DHRSX: variants seen among roughly 807,000 people sequenced by gnomAD.
The protein encoded by DHRSX is polyprenol dehydrogenase.
Under a neutral mutation model 34.0 loss-of-function variants are expected in DHRSX, and 31 were observed. That is an observed-to-expected ratio of 0.91 (90% CI 0.69 to 1.23). The LOEUF is 1.23. Among genes scored for constraint, DHRSX ranks in the 50% most tolerant of loss-of-function variants. The pLI, the probability that DHRSX is intolerant of heterozygous loss-of-function variation, is 0.00. For missense variants in DHRSX, 414 were observed against 428.1 expected (o/e 0.97, Z 0.29); for synonymous variants, 201 against 183.8 (o/e 1.09, Z -0.76).
intron 3 of DHRSX, among the ~76,000 whole-genome samples, chrX:2,294,928 G>A (rs1401874108): frequency 6.6e-6 from 1 of 152,174 alleles, no homozygotes; most frequent in African/African-American, 2.4e-5. Flanking sequence ...GAGAAGAAAA[G>A]GAAATGGAGA....
At chrX:2,296,359 G>A (rs956918497) in intron 3 of DHRSX, among the ~76,000 whole-genome samples, 2 of 151,934 alleles carry the variant, frequency 1.3e-5, no homozygotes, top group Admixed American at 6.6e-5. Context: ...GGGAAGGAGA[G>A]GGAAAAAGAG....
At chrX:2,451,803 G>A (rs2044222067) in intron 1 of DHRSX, among the ~76,000 whole-genome samples, 1 of 152,212 alleles carries the variant, frequency 6.6e-6, no homozygotes, top group Non-Finnish European at 1.5e-5. Context: ...CCGCCACTGT[G>A]TATGAACTGA....
chrX:2,319,254 C>A, intron 3 of DHRSX, among the ~76,000 whole-genome samples: 1 of 142,280 alleles, frequency 7.0e-6, no homozygotes, highest in East Asian at 2.3e-4. Flanking sequence ...CCCCTCCTCT[C>A]CCTACTCCTG....
intron 1 of DHRSX, among the ~76,000 whole-genome samples, chrX:2,473,699 C>T (rs113599886): frequency 8.1e-6 from 1 of 124,118 alleles, no homozygotes; most frequent in Non-Finnish European, 1.7e-5. Context: ...CCCCGGGCCC[C>T]GGAAATGCAC....
chrX:2,359,842 C>G lies in DHRSX; in HGVS notation c.286+48903G>C, dbSNP rs182010379. The stretch of plus-strand genomic sequence containing the variant: ...TAGGAACAGCAAAACCAAATTACTA[C>G]ATGTTCTCACTTATAAGTGAGAGCT... On this transcript the variant is annotated intron_variant, in intron 3 of 6. Transcript: ENST00000334651. Among the ~76,000 whole-genome samples, 35 of 152,194 alleles carry G rather than the reference C, an allele frequency of 2.3e-4. No homozygotes were observed. The East Asian group carries it at 5.6e-3, about 24-fold the overall frequency.
chrX:2,356,957 A>G (rs2042861331), intron 3 of DHRSX, among the ~76,000 whole-genome samples: 1 of 152,148 alleles, frequency 6.6e-6, no homozygotes, highest in African/African-American at 2.4e-5. Flanking sequence ...CAAAAGGTGC[A>G]CATGGGCCAG....
chrX:2,459,558 A>G (rs899214819), intron 1 of DHRSX, among the ~76,000 whole-genome samples: 45 of 78,732 alleles, frequency 5.7e-4, no homozygotes, highest in African/African-American at 1.3e-3. Flanking sequence ...GTGTATATAT[A>G]TATATATATA....
chrX:2,312,525 G>A (rs2042175861), intron 3 of DHRSX, among the ~76,000 whole-genome samples: 2 of 151,904 alleles, frequency 1.3e-5, no homozygotes, highest in African/African-American at 4.8e-5. Flanking sequence ...GTTGAACAAT[G>A]AGAACACATG....
intron 3 of DHRSX, among the ~76,000 whole-genome samples, chrX:2,337,032 C>T (rs1293146964): frequency 1.3e-5 from 2 of 152,002 alleles, no homozygotes; most frequent in African/African-American, 2.4e-5. Context: ...TCTTGAACTC[C>T]TGACATCATG....
chrX:2,266,616 G>T, intron 5 of DHRSX, 124 bp downstream of exon 5: 1 of 959,842 alleles, frequency 1.0e-6, no homozygotes, highest in Non-Finnish European at 1.7e-6. Flanking sequence ...GACGCAGGGA[G>T]CACTGTTCCC....
At chrX:2,454,745 C>T (rs1366786138) in intron 1 of DHRSX, among the ~76,000 whole-genome samples, 1 of 152,038 alleles carries the variant, frequency 6.6e-6, no homozygotes, top group Non-Finnish European at 1.5e-5. Flanking sequence ...ATCCATACCT[C>T]AAAACGACGT....
At chrX:2,479,492 CGT>C (rs985783642) in intron 1 of DHRSX, among the ~76,000 whole-genome samples, 3 of 151,776 alleles carry the variant, frequency 2.0e-5, no homozygotes, top group Admixed American at 6.6e-5. Flanking sequence ...ACGGGACCAC[CGT>C]GTACGCACTG....
At chrX:2,345,594 C>G (rs1198896882) in intron 3 of DHRSX, among the ~76,000 whole-genome samples, 2 of 149,200 alleles carry the variant, frequency 1.3e-5, no homozygotes, top group East Asian at 2.0e-4. Flanking sequence ...TTGCATTGAG[C>G]CAAGATCGCA....
intron 3 of DHRSX, among the ~76,000 whole-genome samples, chrX:2,389,176 G>A (rs887731189): frequency 2.6e-5 from 4 of 152,114 alleles, no homozygotes; most frequent in African/African-American, 7.2e-5. Context: ...AGCTCTAACC[G>A]TCTGTTACCG....
At chrX:2,450,528 T>C (rs2044202159) in intron 1 of DHRSX, among the ~76,000 whole-genome samples, 1 of 152,024 alleles carries the variant, frequency 6.6e-6, no homozygotes. Context: ...GAGCTAACTA[T>C]AAACAATTTT....
intron 1 of DHRSX, chrX:2,486,481 A>C (rs2044932631): frequency 6.6e-6 from 1 of 152,232 alleles, no homozygotes; most frequent in Non-Finnish European, 1.5e-5. Context: ...TACAGCATTA[A>C]ATAAGGGGCA....
chrX:2,448,224 G>C (rs1454197000), intron 1 of DHRSX, among the ~76,000 whole-genome samples: 4 of 151,970 alleles, frequency 2.6e-5, no homozygotes, highest in South Asian at 2.1e-4. Flanking sequence ...TGTAGTCCCA[G>C]CTACCTGGGA....
chrX:2,362,234 G>T (rs1163832517), intron 3 of DHRSX, among the ~76,000 whole-genome samples: 1 of 152,052 alleles, frequency 6.6e-6, no homozygotes, highest in East Asian at 1.9e-4. Flanking sequence ...TCATATCACT[G>T]CTGTCTGTAG....
intron 5 of DHRSX, among the ~76,000 whole-genome samples, chrX:2,247,162 T>C (rs189714879): frequency 4.9e-4 from 74 of 152,224 alleles, no homozygotes; most frequent in African/African-American, 1.8e-3. Context: ...TTAGCCAGGC[T>C]GGTCTGGAAC....
Sources: allele counts gnomAD v4.1 joint callset (sites outside exome capture counted in the v4.1 genomes callset), GRCh38; gene constraint gnomAD v4.1.1; transcripts MANE v1.5; gene names NCBI Gene and HGNC (gene_info 2026-07-23, HGNC 2026-07-21).